TFCP2: variants seen among roughly 807,000 people sequenced by gnomAD.
The protein encoded by TFCP2 is transcription factor CP2, also known as alpha-globin transcription factor CP2.
Under a neutral mutation model 73.4 loss-of-function variants are expected in TFCP2, and 33 were observed. That is an observed-to-expected ratio of 0.45 (90% CI 0.34 to 0.60). The LOEUF (loss-of-function observed/expected upper bound fraction) is 0.60. Among genes scored for constraint, TFCP2 ranks in the 20% least tolerant of loss-of-function variants. TFCP2 has a pLI of 0.01. For missense variants in TFCP2, 352 were observed against 604.0 expected (o/e 0.58, Z 4.37); for synonymous variants, 193 against 211.6 (o/e 0.91, Z 0.76).
intron 1 of TFCP2, among the ~76,000 whole-genome samples, chr12:51,150,337 G>T (rs1367928246): frequency 6.6e-6 from 1 of 152,058 alleles, no homozygotes; most frequent in Non-Finnish European, 1.5e-5. Flanking sequence ...AGAATCGTTT[G>T]AACTCGGGAG....
chr12:51,095,227 G>A lies in TFCP2; in HGVS notation c.*14C>T, dbSNP rs1330672853. On this transcript the variant is annotated 3_prime_UTR_variant, in exon 15 of 15. Transcript: ENST00000257915. ...GAAGGAAGGAGCAGCCACTGGGCAC[G>A]AAACGCCGCACTCCTACTTCAGTAT... 11 of 1,613,826 alleles carry A rather than the reference G, an allele frequency of 6.8e-6. No individual in the cohort carries two copies. Among genetic ancestry groups the A allele is most frequent in the African/African-American group, 2.7e-5 (2 of 74,874 alleles).
chr12:51,151,364 C>A (rs940009057), intron 1 of TFCP2, among the ~76,000 whole-genome samples: 1 of 152,142 alleles, frequency 6.6e-6, no homozygotes, highest in African/African-American at 2.4e-5. Flanking sequence ...ATCACTAAAA[C>A]AGGTACACCT....
chr12:51,147,532 G>GC (rs1471576094), intron 1 of TFCP2, among the ~76,000 whole-genome samples: 1 of 151,778 alleles, frequency 6.6e-6, no homozygotes, highest in Non-Finnish European at 1.5e-5. Context: ...GAAGAGGTGG[G>GC]GGGGGAAAGA....
intron 4 of TFCP2, among the ~76,000 whole-genome samples, chr12:51,114,952 C>G (rs1369601317): frequency 4.0e-5 from 6 of 149,710 alleles, no homozygotes; most frequent in African/African-American, 1.5e-4. Flanking sequence ...ATCCCAGCTA[C>G]TTGGAGGCTG....
chr12:51,145,017 A>G (rs547538409), intron 1 of TFCP2, among the ~76,000 whole-genome samples: 2 of 152,126 alleles, frequency 1.3e-5, no homozygotes, highest in Non-Finnish European at 2.9e-5. Flanking sequence ...CCTGGCTAAC[A>G]TGGTGAAACC....
chr12:51,146,143 A>G (rs1318612701), intron 1 of TFCP2, among the ~76,000 whole-genome samples: 5 of 151,030 alleles, frequency 3.3e-5, no homozygotes. Flanking sequence ...CTCCGTCTCT[A>G]CAAAAATAAA....
intron 1 of TFCP2, among the ~76,000 whole-genome samples, chr12:51,143,329 G>T (rs185387188): frequency 2.7e-5 from 4 of 150,310 alleles, no homozygotes; most frequent in African/African-American, 9.8e-5. Context: ...CCCTTTCTCA[G>T]CAAATGGCAA....
chr12:51,172,640 C>G lies in TFCP2; in HGVS notation c.-218G>C. On this transcript the variant is annotated 5_prime_UTR_variant, in exon 1 of 15. Coordinates refer to ENST00000257915, the MANE Select transcript of TFCP2 (RefSeq NM_005653.5). ...TCTTGGCTGCCCCAGGTTCCAAAAT[C>G]CCCCCTGCCCAGCTCTCAGGAACGT... The G allele has an allele frequency of 9.3e-6, 5 of 535,168 alleles. No homozygotes were observed. Among genetic ancestry groups the G allele is most frequent in the Admixed American group, 3.3e-5 (1 of 29,892 alleles). The allele number at this position is 535,168 out of a possible 1,614,324, so 33.2% of individuals were successfully genotyped here. A position where few individuals can be genotyped will look rare whatever the true frequency, so the allele number is the denominator to read the frequency against.
chr12:51,168,459 C>A (rs1398040848), intron 1 of TFCP2, among the ~76,000 whole-genome samples: 2 of 151,998 alleles, frequency 1.3e-5, no homozygotes, highest in African/African-American at 4.8e-5. Flanking sequence ...GGAGATGGGA[C>A]CCTGTAAACT....
chr12:51,105,100 C>CTT (rs1158270093), intron 8 of TFCP2, among the ~76,000 whole-genome samples: 1 of 138,814 alleles, frequency 7.2e-6, no homozygotes, highest in Non-Finnish European at 1.6e-5. Context: ...TTTTCTTTTT[C>CTT]TTTTTTTTTT....
intron 1 of TFCP2, among the ~76,000 whole-genome samples, chr12:51,145,885 G>A (rs989014693): frequency 2.0e-5 from 3 of 151,612 alleles, no homozygotes; most frequent in African/African-American, 4.8e-5. Flanking sequence ...CCAGGAGTTC[G>A]AGGCTGCAGT....
chr12:51,129,277 G>C (rs768463816), intron 1 of TFCP2, among the ~76,000 whole-genome samples: 2 of 152,058 alleles, frequency 1.3e-5, no homozygotes, highest in Non-Finnish European at 2.9e-5. Flanking sequence ...ACTTTGGGAG[G>C]CTGAGGTGGG....
chr12:51,154,714 GTCTC>G (rs1042676020), intron 1 of TFCP2, among the ~76,000 whole-genome samples: 8 of 151,972 alleles, frequency 5.3e-5, no homozygotes, highest in African/African-American at 1.2e-4. Flanking sequence ...AATAAATGTG[GTCTC>G]TCTCTTTCTC....
chr12:51,117,382 T>C (rs1271848892), intron 3 of TFCP2, among the ~76,000 whole-genome samples: 1 of 152,038 alleles, frequency 6.6e-6, no homozygotes, highest in Non-Finnish European at 1.5e-5. Context: ...CTCAAGGAGG[T>C]TACTTTACTC....
rs150991533 is a variant in TFCP2 at position 51,116,774 on chromosome 12, C to T, written c.352-354G>A. ...CTGGGATTACAGGCATGTGCTACCACGCCTGACTAATTTTGTATTTTTTGT... is the reference window on the plus strand; with the variant it reads ...CTGGGATTACAGGCATGTGCTACCATGCCTGACTAATTTTGTATTTTTTGT... On this transcript the variant is annotated intron_variant, in intron 3 of 14. Coordinates refer to ENST00000257915, the MANE Select transcript of TFCP2 (RefSeq NM_005653.5). Among the ~76,000 whole-genome samples the T allele has an allele frequency of 5.6e-3, 846 of 152,164 alleles. 7 individuals are homozygous for T. Among genetic ancestry groups the T allele is most frequent in the African/African-American group, 0.019 (787 of 41,500 alleles).
rs570994378 is a variant in TFCP2 at position 51,124,423 on chromosome 12, C to T, written c.123-5651G>A. ...GTTATTTTTTTCTTTTCTTCTTCTT[C>T]TTTTTTTTTTAAGAGTTCTGAAGTG... On this transcript the variant is annotated intron_variant, in intron 1 of 14. Transcript: ENST00000257915. Among the ~76,000 whole-genome samples, 21 of 148,760 alleles carry T rather than the reference C, an allele frequency of 1.4e-4. No homozygotes were observed. In the East Asian group the frequency reaches 3.9e-3, roughly 28 times the overall value.
At chr12:51,097,993 C>T (rs553517998) in intron 13 of TFCP2, among the ~76,000 whole-genome samples, 13 of 150,782 alleles carry the variant, frequency 8.6e-5, no homozygotes, top group African/African-American at 2.7e-4. Context: ...ACAGCCTGGG[C>T]GACAGAGTGA....
chr12:51,170,608 AT>A (rs1008058577), intron 1 of TFCP2, among the ~76,000 whole-genome samples: 17 of 152,106 alleles, frequency 1.1e-4, no homozygotes, highest in African/African-American at 4.1e-4. Context: ...TACAGGCATG[AT>A]TATTATTTAG....
At chr12:51,135,968 T>C (rs1941051683) in intron 1 of TFCP2, among the ~76,000 whole-genome samples, 1 of 152,150 alleles carries the variant, frequency 6.6e-6, no homozygotes. Context: ...TGCTATGTTC[T>C]AGGCCCTGTT....
Sources: allele counts gnomAD v4.1 joint callset (sites outside exome capture counted in the v4.1 genomes callset), GRCh38; gene constraint gnomAD v4.1.1; transcripts MANE v1.5; gene names NCBI Gene and HGNC (gene_info 2026-07-23, HGNC 2026-07-21).